Variants in HTRA1 observed in about 807,000 individuals in gnomAD.
HTRA1 encodes serine protease HTRA1.
Under a neutral mutation model 49.7 loss-of-function variants are expected in HTRA1, and 26 were observed. That is an observed-to-expected ratio of 0.52 (90% CI 0.38 to 0.73). The LOEUF (loss-of-function observed/expected upper bound fraction) is 0.73. Among genes scored for constraint, HTRA1 ranks in the 30% least tolerant of loss-of-function variants. The pLI is 0.00. For missense variants in HTRA1, 561 were observed against 667.2 expected (o/e 0.84, Z 1.75); for synonymous variants, 291 against 286.9 (o/e 1.01, Z -0.14).
At chr10:122,488,572 GA>G (rs1159814328) in intron 1 of HTRA1, among the ~76,000 whole-genome samples, 4 of 151,618 alleles carry the variant, frequency 2.6e-5, no homozygotes, top group South Asian at 2.1e-4. Flanking sequence ...AAAATAAACT[GA>G]AAAAAAACAA....
rs1302456666 is a variant in HTRA1, at chr10:122,496,225, GTTCT to G, written c.777+6602_777+6605del. Among the ~76,000 whole-genome samples the G allele has an allele frequency of 1.5e-3, 118 of 80,384 alleles. 29 individuals are homozygous for G. Among genetic ancestry groups the G allele is most frequent in the Non-Finnish European group, 1.8e-3 (79 of 43,840 alleles). 52.7% of individuals were successfully genotyped at this position (80,384 alleles called of 152,430 possible). A position where few individuals can be genotyped will look rare whatever the true frequency, so the allele number is the denominator to read the frequency against. ...CCCTTTCGTTTGCCAGAGATTGTGGGTTCTTTTTTTTTTTTTTTTTTTTTTTTTT... is the reference window on the plus strand; with the variant it reads ...CCCTTTCGTTTGCCAGAGATTGTGGGTTTTTTTTTTTTTTTTTTTTTTTTT... On this transcript the variant is annotated intron_variant, in intron 3 of 8. Transcript: ENST00000368984.
At chr10:122,484,267 C>T (rs2097492209) in intron 1 of HTRA1, among the ~76,000 whole-genome samples, 1 of 152,174 alleles carries the variant, frequency 6.6e-6, no homozygotes, top group South Asian at 2.1e-4. Flanking sequence ...TTGGTTGCTT[C>T]GTCAGGTTTA....
chr10:122,485,800 C>T (rs959121696), intron 1 of HTRA1, among the ~76,000 whole-genome samples: 11 of 152,190 alleles, frequency 7.2e-5, no homozygotes, highest in African/African-American at 2.7e-4. Context: ...AGTTAATGAT[C>T]CTTAGTGGGA....
At chr10:122,512,987 CAT>C (rs1451072301) in intron 8 of HTRA1, among the ~76,000 whole-genome samples, 3 of 152,118 alleles carry the variant, frequency 2.0e-5, no homozygotes, top group Non-Finnish European at 4.4e-5. Flanking sequence ...TATTTTGTGA[CAT>C]GTTAAATTTG....
intron 1 of HTRA1, among the ~76,000 whole-genome samples, chr10:122,472,789 C>T (rs2097486740): frequency 1.3e-5 from 2 of 152,126 alleles, no homozygotes; most frequent in Non-Finnish European, 2.9e-5. Context: ...GTTAAACAAT[C>T]CTGAGATGGA....
chr10:122,490,256 A>G lies in HTRA1; in HGVS notation c.777+630A>G, dbSNP rs1244155984. ...TTGCCTACAAAAGGGTGTTGACTGA[A>G]CTATTTGCCCAAATTATAATCATTT... is the stretch of plus-strand genomic sequence containing the variant. On this transcript the variant is annotated intron_variant, in intron 3 of 8. Coordinates refer to ENST00000368984, the MANE Select transcript of HTRA1 (RefSeq NM_002775.5). The surrounding 1 kb of genome is among the most constrained non-coding windows in gnomAD (Gnocchi z 4.2). 6.6e-6 allele frequency among the ~76,000 whole-genome samples: 1 copy of G among 152,192 alleles called. No homozygotes were observed. The highest frequency in any genetic ancestry group is 1.5e-5 in the Non-Finnish European group (1 of 68,024).
intron 1 of HTRA1, 48 bp from the exon 2 acceptor site, chr10:122,488,854 G>A: frequency 7.0e-7 from 1 of 1,425,252 alleles, no homozygotes; most frequent in Non-Finnish European, 9.9e-7. Flanking sequence ...TCTCTAGGTG[G>A]CCACAGCAGA....
chr10:122,463,112 G>A (rs1215761190), intron 1 of HTRA1, among the ~76,000 whole-genome samples: 2 of 152,260 alleles, frequency 1.3e-5, no homozygotes, highest in African/African-American at 4.8e-5. Flanking sequence ...CGCTGCTGCC[G>A]GACCCCAGTG....
chr10:122,463,937 G>A (rs937851785), intron 1 of HTRA1, among the ~76,000 whole-genome samples: 4 of 152,206 alleles, frequency 2.6e-5, no homozygotes, highest in African/African-American at 9.7e-5. Flanking sequence ...GGCAGCAGGA[G>A]TGAGCCAGGC....
At chr10:122,469,459 C>T (rs1460495629) in intron 1 of HTRA1, among the ~76,000 whole-genome samples, 1 of 152,174 alleles carries the variant, frequency 6.6e-6, no homozygotes, top group Non-Finnish European at 1.5e-5. Flanking sequence ...GGGAGGGAAG[C>T]CTCAATGTTC....
intron 1 of HTRA1, 30 bp downstream of exon 1, chr10:122,462,154 C>T: frequency 6.7e-7 from 1 of 1,493,718 alleles, no homozygotes; most frequent in Admixed American, 2.0e-5. Context: ...GGCAGCTCCC[C>T]ACTCTCTCCA....
rs1047864933 is a variant in HTRA1 at position 122,464,121 on chromosome 10, G to A, written c.472+1997G>A. 6.6e-6 allele frequency among the ~76,000 whole-genome samples: 1 copy of A among 152,218 alleles called. No individual in the cohort carries two copies. The highest frequency in any genetic ancestry group is 1.5e-5 in the Non-Finnish European group (1 of 68,038). Reference sequence around the variant, plus strand: ...GACTACTGCAATAATCTGGGTGTGAGGCGACAACATTGAAAAAGCATGTTT... The same window carrying A: ...GACTACTGCAATAATCTGGGTGTGAAGCGACAACATTGAAAAAGCATGTTT... On this transcript the variant is annotated intron_variant, in intron 1 of 8. Coordinates refer to ENST00000368984, the MANE Select transcript of HTRA1 (RefSeq NM_002775.5). The surrounding 1 kb of genome is among the most constrained non-coding windows in gnomAD (Gnocchi z 4.8).
At chr10:122,476,727 T>G (rs987489983) in intron 1 of HTRA1, among the ~76,000 whole-genome samples, 1 of 152,150 alleles carries the variant, frequency 6.6e-6, no homozygotes, top group Non-Finnish European at 1.5e-5. Context: ...GCTGGGACAG[T>G]GAGAGACTGG....
At chr10:122,508,628 A>G (rs1375849000) in intron 5 of HTRA1, 28 bp from the exon 6 acceptor site, 8 of 1,396,970 alleles carry the variant, frequency 5.7e-6, no homozygotes, top group Non-Finnish European at 8.2e-6. Context: ...TTCACGATTC[A>G]GTAAGCCGTG....
intron 1 of HTRA1, among the ~76,000 whole-genome samples, chr10:122,463,292 C>A (rs1349371371): frequency 6.6e-6 from 1 of 152,198 alleles, no homozygotes; most frequent in Admixed American, 6.5e-5. Flanking sequence ...GGGTGAAATT[C>A]GAGATTGCGT....
At chr10:122,472,858 A>G (rs2097486764) in intron 1 of HTRA1, among the ~76,000 whole-genome samples, 1 of 152,224 alleles carries the variant, frequency 6.6e-6, no homozygotes. Flanking sequence ...AGAGGTACTA[A>G]GGAGTACAAA....
intron 8 of HTRA1, among the ~76,000 whole-genome samples, 188 bp from the exon 9 acceptor site, chr10:122,514,003 T>A (rs553608530): frequency 2.2e-4 from 33 of 151,756 alleles, no homozygotes; most frequent in African/African-American, 7.5e-4. Context: ...CCTCCCAAAG[T>A]GCTGGGATTA....
rs1427393530 is a variant in HTRA1, at chr10:122,514,837, T to G, written c.*478T>G. The G allele has an allele frequency of 5.1e-6, 1 of 196,288 alleles. No individual in the cohort carries two copies. Among genetic ancestry groups the G allele is most frequent in the South Asian group, 1.1e-4 (1 of 9,456 alleles). 12.2% of individuals were successfully genotyped at this position (196,288 alleles called of 1,614,324 possible). ...TCTCAAACGGCCGAAGTTGCCTCTT[T>G]TAGGAATCTCTTTGGAATTGGGAGC... On this transcript the variant is annotated 3_prime_UTR_variant, in exon 9 of 9. Transcript: ENST00000368984.
chr10:122,497,196 C>T (rs897905486), intron 3 of HTRA1, among the ~76,000 whole-genome samples: 2 of 152,190 alleles, frequency 1.3e-5, no homozygotes, highest in African/African-American at 4.8e-5. Context: ...GAACATGTGA[C>T]TCATGGTATT....
Sources: allele counts gnomAD v4.1 joint callset (sites outside exome capture counted in the v4.1 genomes callset), GRCh38; gene constraint gnomAD v4.1.1; non-coding constraint Gnocchi (gnomAD v3.1); transcripts MANE v1.5; gene names NCBI Gene and HGNC (gene_info 2026-07-23, HGNC 2026-07-21).